The following SPATA31H1 variants were observed in gnomAD, a reference collection of about 807,000 sequenced individuals.
The protein encoded by SPATA31H1 is SPATA31 subfamily H member 1, also known as spermatogenesis-associated protein 31H1.
At chr2:27,566,258 C>A in the SPATA31H1 span, 1 of 713,366 alleles carries the variant, frequency 1.4e-6, no homozygotes, top group Admixed American at 2.0e-5. Flanking sequence ...AATGAAACTT[C>A]AATTACATTG....
the SPATA31H1 span, among the ~76,000 whole-genome samples, chr2:27,539,127 A>T: frequency 0.17 from 15,307 of 87,718 alleles, 1,138 homozygotes; most frequent in African/African-American, 0.24. Context: ...TTTTTTTTTT[A>T]ATTGATCATT....
chr2:27,560,455 AG>A, the SPATA31H1 span, among the ~76,000 whole-genome samples: 1 of 151,236 alleles, frequency 6.6e-6, no homozygotes, highest in African/African-American at 2.5e-5. Context: ...TTTTCCTCAA[AG>A]AGTATTTTTT....
At chr2:27,542,431 C>G in the SPATA31H1 span, among the ~76,000 whole-genome samples, 1 of 151,866 alleles carries the variant, frequency 6.6e-6, no homozygotes, top group East Asian at 1.9e-4. Flanking sequence ...AATTTAGTTC[C>G]TCTATTGAAG....
the SPATA31H1 span, chr2:27,570,134 G>T: frequency 5.0e-6 from 2 of 398,720 alleles, no homozygotes; most frequent in African/African-American, 4.1e-5. Flanking sequence ...TGATCCCAGA[G>T]CCAAAGCATC....
chr2:27,577,074 G>A, the SPATA31H1 span: 1 of 1,614,112 alleles, frequency 6.2e-7, no homozygotes, highest in Non-Finnish European at 8.5e-7. This position sits in a 1 kb window ranked among gnomAD's most constrained non-coding sequence, Gnocchi z 4.5. Context: ...ACAAGGATTG[G>A]CATATAAAGG....
At chr2:27,576,363 G>T in the SPATA31H1 span, 1 of 524,702 alleles carries the variant, frequency 1.9e-6, no homozygotes, top group South Asian at 3.6e-5. Flanking sequence ...TATGAATTCT[G>T]AGGAGTTCCA....
At chr2:27,578,998 A>G in the SPATA31H1 span, 7 of 1,614,188 alleles carry the variant, frequency 4.3e-6, no homozygotes, top group Non-Finnish European at 5.9e-6. Flanking sequence ...AACATTGTGG[A>G]AAACCCATGT....
At chr2:27,557,892 G>A in the SPATA31H1 span, among the ~76,000 whole-genome samples, 6 of 25,366 alleles carry the variant, frequency 2.4e-4, no homozygotes, top group Non-Finnish European at 4.3e-4. Context: ...CTCCCGGACG[G>A]GGCGGCTGGC....
chr2:27,546,859 T>C, the SPATA31H1 span, among the ~76,000 whole-genome samples: 1 of 151,948 alleles, frequency 6.6e-6, no homozygotes, highest in African/African-American at 2.4e-5. Context: ...AAAATAAAAA[T>C]TAATGCAAAA....
the SPATA31H1 span, chr2:27,574,365 A>G: frequency 2.5e-6 from 1 of 398,320 alleles, no homozygotes; most frequent in Non-Finnish European, 4.4e-6. Context: ...ATTCAAACCT[A>G]GTCCAAAGTT....
At chr2:27,569,154 G>A in the SPATA31H1 span, 2 of 398,846 alleles carry the variant, frequency 5.0e-6, no homozygotes, top group African/African-American at 2.1e-5. Flanking sequence ...AGCAATGGGG[G>A]AAACTCCAGT....
chr2:27,572,529 T>G, the SPATA31H1 span: 8 of 398,178 alleles, frequency 2.0e-5, no homozygotes, highest in Non-Finnish European at 3.5e-5. Context: ...TGGGCCACAG[T>G]TGCAGTGTGT....
chr2:27,556,284 CTT>C, the SPATA31H1 span, among the ~76,000 whole-genome samples: 40,802 of 141,638 alleles, frequency 0.29, 6,122 homozygotes, highest in East Asian at 0.5. Context: ...TTGGAAAGCC[CTT>C]TTTTTTTTTT....
the SPATA31H1 span, chr2:27,582,298 G>A: frequency 3.1e-6 from 5 of 1,612,496 alleles, no homozygotes; most frequent in South Asian, 2.2e-5. Flanking sequence ...GAGAGAACCC[G>A]TCACAGTCCC....
the SPATA31H1 span, among the ~76,000 whole-genome samples, chr2:27,539,922 C>T: frequency 5.4e-5 from 6 of 110,582 alleles, no homozygotes; most frequent in East Asian, 1.1e-3. Context: ...GGGGGGCTGA[C>T]CCCCCCACCT....
At chr2:27,540,026 C>T in the SPATA31H1 span, among the ~76,000 whole-genome samples, 1 of 114,810 alleles carries the variant, frequency 8.7e-6, no homozygotes. Context: ...CTGACCCCCC[C>T]ACCTCCCTCC....
the SPATA31H1 span, chr2:27,579,703 T>C: frequency 1.2e-6 from 2 of 1,614,204 alleles, no homozygotes; most frequent in Middle Eastern, 1.6e-4. Context: ...GAAGATCTTG[T>C]TCCAATGGAA....
chr2:27,582,089 T>C, the SPATA31H1 span: 1 of 1,611,332 alleles, frequency 6.2e-7, no homozygotes, highest in Non-Finnish European at 8.5e-7. Flanking sequence ...GGAGCCATCG[T>C]AGGATTTCTG....
the SPATA31H1 span, chr2:27,582,551 A>G: frequency 6.4e-7 from 1 of 1,561,352 alleles, no homozygotes; most frequent in Non-Finnish European, 8.6e-7. Flanking sequence ...CCTATTATTC[A>G]TTGTCCTAAG....
Sources: allele counts gnomAD v4.1 joint callset (sites outside exome capture counted in the v4.1 genomes callset), GRCh38; gene constraint gnomAD v4.1.1; non-coding constraint Gnocchi (gnomAD v3.1); transcripts MANE v1.5; gene names NCBI Gene and HGNC (gene_info 2026-07-23, HGNC 2026-07-21).